MAPKAP1: variants seen among roughly 807,000 people sequenced by gnomAD.
The protein encoded by MAPKAP1 is target of rapamycin complex 2 subunit MAPKAP1.
In MAPKAP1, 20 loss-of-function variants were observed where a neutral mutation model predicts 65.7. The observed-to-expected ratio is 0.30, with a 90% CI of 0.21 to 0.44. MAPKAP1 has a LOEUF of 0.44. Among genes scored for constraint, MAPKAP1 ranks in the 20% least tolerant of loss-of-function variants. MAPKAP1 has a pLI of 1.00. For synonymous variants in MAPKAP1, 222 were observed against 244.3 expected, an observed-to-expected ratio of 0.91 and a Z score of 0.85; for missense variants, 423 against 648.0, an observed-to-expected ratio of 0.65 and a Z score of 3.77.
chr9:125,524,874 C>T (rs1247462609), intron 7 of MAPKAP1, among the ~76,000 whole-genome samples: 3 of 152,238 alleles, frequency 2.0e-5, no homozygotes, highest in African/African-American at 7.2e-5. Flanking sequence ...TTTAACCCTT[C>T]TGCATATCCT....
intron 6 of MAPKAP1, among the ~76,000 whole-genome samples, chr9:125,543,922 AC>A (rs921461937): frequency 5.9e-5 from 9 of 152,342 alleles, no homozygotes; most frequent in East Asian, 1.9e-4. Context: ...AGACAAAAAA[AC>A]GTCATGTGGG....
chr9:125,468,204 A>T, intron 9 of MAPKAP1, 95 bp from the exon 10 acceptor site: 1 of 1,359,008 alleles, frequency 7.4e-7, no homozygotes, highest in Non-Finnish European at 1.0e-6. Context: ...TAAATCTGAA[A>T]TTGCATGAAC....
chr9:125,655,815 C>G (rs1588043812), intron 4 of MAPKAP1, among the ~76,000 whole-genome samples: 1 of 152,212 alleles, frequency 6.6e-6, no homozygotes, highest in East Asian at 1.9e-4. Context: ...GCTCTGCACT[C>G]ACATCCTTCG....
chr9:125,701,424 G>A (rs1386532321), intron 1 of MAPKAP1, among the ~76,000 whole-genome samples: 1 of 152,136 alleles, frequency 6.6e-6, no homozygotes, highest in Admixed American at 6.6e-5. Context: ...TGTAAGTGAC[G>A]TGACCAAACT....
At chr9:125,479,317 C>T (rs566347022) in intron 9 of MAPKAP1, among the ~76,000 whole-genome samples, 15 of 152,298 alleles carry the variant, frequency 9.8e-5, no homozygotes, top group African/African-American at 2.4e-4. Context: ...CGGTGGCTCA[C>T]GCCTGTAATC....
chr9:125,452,205 C>G (rs1236928776), intron 10 of MAPKAP1, among the ~76,000 whole-genome samples: 5 of 150,212 alleles, frequency 3.3e-5, no homozygotes, highest in African/African-American at 1.2e-4. Context: ...TTTGAGTGAT[C>G]CTCCCACCTC....
chr9:125,525,720 GGAA>G (rs1219353702), intron 7 of MAPKAP1, among the ~76,000 whole-genome samples: 3 of 148,932 alleles, frequency 2.0e-5, no homozygotes, highest in Non-Finnish European at 4.5e-5. Flanking sequence ...AAAAAAAAAA[GGAA>G]AAGTAACAGG....
intron 7 of MAPKAP1, among the ~76,000 whole-genome samples, chr9:125,541,532 A>C (rs1324814879): frequency 1.3e-5 from 2 of 152,260 alleles, no homozygotes; most frequent in African/African-American, 4.8e-5. Flanking sequence ...GTGAATGCCT[A>C]CTAAATATCT....
At chr9:125,676,695 C>T (rs189830001) in intron 1 of MAPKAP1, among the ~76,000 whole-genome samples, 81 of 152,284 alleles carry the variant, frequency 5.3e-4, no homozygotes, top group Non-Finnish European at 8.5e-4. Context: ...ACAGTGGTGA[C>T]GGTTGCACCA....
rs981416511 is a variant in MAPKAP1, at chr9:125,707,195, G to C, written c.-294C>G. 4 of 396,602 alleles carry C rather than the reference G, an allele frequency of 1.0e-5. No individual in the cohort carries two copies. Among genetic ancestry groups the C allele is most frequent in the Non-Finnish European group, 8.9e-6 (2 of 224,972 alleles). The allele number at this position is 396,602 out of a possible 1,614,324, so 24.6% of individuals were successfully genotyped here. A position where few individuals can be genotyped will look rare whatever the true frequency, so the allele number is the denominator to read the frequency against. On this transcript the variant is annotated 5_prime_UTR_variant, in exon 1 of 12. Coordinates refer to ENST00000265960, the MANE Select transcript of MAPKAP1 (RefSeq NM_001006617.3). ...GGCCGAGCAGCAGCCCTATTACCCC[G>C]AGCCGCACACGACCCGGAACCACAC... is the stretch of plus-strand genomic sequence containing the variant.
rs75861195 is a variant in MAPKAP1, at chr9:125,486,720, C to A, written c.1067-2137G>T. On this transcript the variant is annotated intron_variant, in intron 8 of 11. Transcript: ENST00000265960. ...CCTTCAGTAAGGACATGACCTCGCC[C>A]TTCACTGAGTGCCTCTGGCAGAATC... Among the ~76,000 whole-genome samples, 318 of 152,270 alleles carry A rather than the reference C, an allele frequency of 2.1e-3. 8 individuals are homozygous for A. The East Asian group carries it at 0.055, about 26-fold the overall frequency.
intron 5 of MAPKAP1, among the ~76,000 whole-genome samples, chr9:125,577,991 G>T (rs536685501): frequency 1.3e-5 from 2 of 151,732 alleles, no homozygotes; most frequent in Non-Finnish European, 2.9e-5. Flanking sequence ...GAATAGAAAG[G>T]GGGGAAAGGT....
At chr9:125,622,605 C>G (rs1307292571) in intron 4 of MAPKAP1, among the ~76,000 whole-genome samples, 1 of 152,004 alleles carries the variant, frequency 6.6e-6, no homozygotes. Flanking sequence ...ACCACCATGC[C>G]TGGCTAATTT....
chr9:125,612,545 T>C (rs1220976395), intron 4 of MAPKAP1, among the ~76,000 whole-genome samples: 1 of 152,232 alleles, frequency 6.6e-6, no homozygotes, highest in Non-Finnish European at 1.5e-5. Context: ...GCACTGTCTA[T>C]TTCCTGATTC....
At chr9:125,649,557 G>A (rs1015206540) in intron 4 of MAPKAP1, among the ~76,000 whole-genome samples, 12 of 152,098 alleles carry the variant, frequency 7.9e-5, no homozygotes, top group Non-Finnish European at 1.5e-4. Flanking sequence ...GGTGACTAAC[G>A]TCTGAAGGCA....
chr9:125,542,076 T>C (rs537271844), intron 7 of MAPKAP1, among the ~76,000 whole-genome samples: 4 of 152,216 alleles, frequency 2.6e-5, no homozygotes, highest in Non-Finnish European at 5.9e-5. Flanking sequence ...CTCTCTTTTT[T>C]ATGAGAATCA....
At chr9:125,645,494 T>C (rs1176107798) in intron 4 of MAPKAP1, among the ~76,000 whole-genome samples, 1 of 152,174 alleles carries the variant, frequency 6.6e-6, no homozygotes, top group Non-Finnish European at 1.5e-5. Context: ...CCCAGCACTT[T>C]GGGAGGCCAA....
At chr9:125,547,004 A>G (rs952096206) in intron 6 of MAPKAP1, among the ~76,000 whole-genome samples, 7 of 152,138 alleles carry the variant, frequency 4.6e-5, no homozygotes, top group African/African-American at 1.4e-4. Context: ...GTGAAACTCC[A>G]TGTCAGGGAG....
chr9:125,440,196 A>G (rs1050658322), intron 11 of MAPKAP1, among the ~76,000 whole-genome samples: 10 of 152,230 alleles, frequency 6.6e-5, no homozygotes, highest in African/African-American at 2.4e-4. Flanking sequence ...GGCAACTGGC[A>G]CTGCTCGGAG....
Sources: gnomAD v4.1 joint callset for allele counts (sites outside exome capture counted in the v4.1 genomes callset) on GRCh38, gnomAD v4.1.1 for gene constraint, MANE v1.5 for transcripts, NCBI Gene and HGNC (gene_info 2026-07-23, HGNC 2026-07-21) for gene names.